The following MOB3B variants were observed in gnomAD, a reference collection of about 807,000 sequenced individuals.
MOB3B encodes the protein MOB kinase activator-like 2B.
Under a neutral mutation model 18.7 loss-of-function variants are expected in MOB3B, and 7 were observed. That is an observed-to-expected ratio of 0.37 (90% CI 0.21 to 0.70). The LOEUF is 0.70. MOB3B is among the 30% of genes least tolerant of loss of function. The pLI, the probability that MOB3B is intolerant of heterozygous loss-of-function variation, is 0.52. For synonymous variants in MOB3B, 111 were observed against 99.9 expected (o/e 1.11, Z -0.66); for missense variants, 253 against 281.3 (o/e 0.90, Z 0.72).
At chr9:27,487,964 A>G (rs576537792) in intron 1 of MOB3B, among the ~76,000 whole-genome samples, 17 of 152,168 alleles carry the variant, frequency 1.1e-4, no homozygotes, top group Non-Finnish European at 2.4e-4. Flanking sequence ...GAAATAACCT[A>G]TTGGGACAAT....
At chr9:27,343,545 C>G (rs1820986723) in intron 3 of MOB3B, among the ~76,000 whole-genome samples, 1 of 150,328 alleles carries the variant, frequency 6.7e-6, no homozygotes, top group African/African-American at 2.5e-5. Flanking sequence ...GAGACAAGTC[C>G]TTTTCTTTCC....
chr9:27,381,526 G>A (rs1369433782), intron 2 of MOB3B, among the ~76,000 whole-genome samples: 1 of 152,218 alleles, frequency 6.6e-6, no homozygotes, highest in East Asian at 1.9e-4. Context: ...CAAGCCAGAT[G>A]TGGATAGCAG....
At chr9:27,404,048 T>G (rs1166350099) in intron 2 of MOB3B, among the ~76,000 whole-genome samples, 1 of 152,210 alleles carries the variant, frequency 6.6e-6, no homozygotes, top group Non-Finnish European at 1.5e-5. Flanking sequence ...TAACTGTATT[T>G]TTGTACCCAT....
chr9:27,461,243 G>T (rs1219715277), intron 1 of MOB3B, among the ~76,000 whole-genome samples: 2 of 152,138 alleles, frequency 1.3e-5, no homozygotes, highest in African/African-American at 4.8e-5. Flanking sequence ...GTGTATGTAT[G>T]TGTGTATCAT....
rs1555453 is a variant in MOB3B, at chr9:27,326,782, G to T, written c.*3805C>A. 343,712 of 393,398 alleles carry T rather than the reference G, an allele frequency of 0.87. 150,447 individuals carry two copies. The highest frequency in any genetic ancestry group is 0.91 in the African/African-American group (44,232 of 48,606). The allele number at this position is 393,398 out of a possible 1,614,324, so 24.4% of individuals were successfully genotyped here. A position where few individuals can be genotyped will look rare whatever the true frequency, so the allele number is the denominator to read the frequency against. ...ATCAGTATTTCTCAATTACAGCCGTGTAAGACATTTTCTTCCTAATCATCT... is the reference window on the plus strand; with the variant it reads ...ATCAGTATTTCTCAATTACAGCCGTTTAAGACATTTTCTTCCTAATCATCT... On this transcript the variant is annotated 3_prime_UTR_variant, in exon 4 of 4. Coordinates refer to ENST00000262244, the MANE Select transcript of MOB3B (RefSeq NM_024761.5).
At chr9:27,358,809 A>G in intron 3 of MOB3B, 1 of 731,588 alleles carries the variant, frequency 1.4e-6, no homozygotes, top group South Asian at 1.4e-5. Flanking sequence ...TATTCCCACA[A>G]CATTCTGCCA....
chr9:27,425,432 C>G (rs79283235), intron 2 of MOB3B, among the ~76,000 whole-genome samples: 1 of 151,588 alleles, frequency 6.6e-6, no homozygotes, highest in Non-Finnish European at 1.5e-5. Flanking sequence ...GGGGGCAGAT[C>G]TGTTTCTAAA....
intron 2 of MOB3B, among the ~76,000 whole-genome samples, chr9:27,429,310 C>CA (rs1332473751): frequency 6.6e-6 from 1 of 152,124 alleles, no homozygotes; most frequent in Non-Finnish European, 1.5e-5. Flanking sequence ...TGCATAGCCC[C>CA]ACATGGAAAA....
chr9:27,440,435 T>A (rs1822575791), intron 2 of MOB3B, among the ~76,000 whole-genome samples: 1 of 152,054 alleles, frequency 6.6e-6, no homozygotes, highest in African/African-American at 2.4e-5. Context: ...TCTTGGCTGA[T>A]GTTTGGTACT....
In MOB3B at chr9:27,437,546, C is replaced by T. The variant is rs548706415; in HGVS notation, c.418+17587G>A. ...TATTACTGGTCATTGATGAATATGA[C>T]GAATATAATCTAGCTGATGGACATT... On this transcript the variant is annotated intron_variant, in intron 2 of 3. Transcript: ENST00000262244. Among the ~76,000 whole-genome samples the T allele has an allele frequency of 5.3e-5, 8 of 152,072 alleles. No homozygotes were observed. The East Asian group carries it at 7.7e-4, about 15-fold the overall frequency.
At chr9:27,476,376 C>T (rs188932697) in intron 1 of MOB3B, among the ~76,000 whole-genome samples, 74 of 152,240 alleles carry the variant, frequency 4.9e-4, no homozygotes, top group African/African-American at 1.7e-3. Context: ...TTTTTGGTAT[C>T]TTCAGTGTTC....
At chr9:27,527,943 C>T (rs1338833613) in intron 1 of MOB3B, among the ~76,000 whole-genome samples, 1 of 152,200 alleles carries the variant, frequency 6.6e-6, no homozygotes, top group African/African-American at 2.4e-5. Flanking sequence ...ACCCAACAAG[C>T]GCACCCACAG....
intron 2 of MOB3B, among the ~76,000 whole-genome samples, chr9:27,403,164 A>C (rs1383661300): frequency 6.6e-6 from 1 of 152,248 alleles, no homozygotes; most frequent in Non-Finnish European, 1.5e-5. Context: ...AAGAAGACAG[A>C]AAAAAGAACT....
chr9:27,353,670 C>G (rs1821141730), intron 3 of MOB3B, among the ~76,000 whole-genome samples: 2 of 152,156 alleles, frequency 1.3e-5, no homozygotes, highest in African/African-American at 4.8e-5. Context: ...CCCCTCCTGT[C>G]TGTCCTCCCC....
intron 1 of MOB3B, among the ~76,000 whole-genome samples, chr9:27,480,913 T>C (rs1239624098): frequency 6.6e-6 from 1 of 152,000 alleles, no homozygotes; most frequent in African/African-American, 2.4e-5. Context: ...ACTGACTCTA[T>C]AAAAGAATAA....
intron 1 of MOB3B, among the ~76,000 whole-genome samples, chr9:27,480,661 G>A (rs376836225): frequency 5.3e-5 from 8 of 152,122 alleles, no homozygotes; most frequent in South Asian, 2.1e-4. Context: ...GGATGGTCTT[G>A]ATCTCTTGAT....
At chr9:27,482,569 G>A (rs1158208747) in intron 1 of MOB3B, among the ~76,000 whole-genome samples, 2 of 152,316 alleles carry the variant, frequency 1.3e-5, no homozygotes, top group African/African-American at 4.8e-5. Context: ...GGTCTCAAAT[G>A]TTCAGTGTGG....
intron 2 of MOB3B, among the ~76,000 whole-genome samples, chr9:27,384,954 A>G (rs1821629978): frequency 6.6e-6 from 1 of 152,132 alleles, no homozygotes; most frequent in African/African-American, 2.4e-5. Context: ...CTCTCACAAT[A>G]CGTAGGTTGG....
At chr9:27,450,651 A>G (rs550965895) in intron 2 of MOB3B, among the ~76,000 whole-genome samples, 10 of 152,300 alleles carry the variant, frequency 6.6e-5, no homozygotes, top group South Asian at 4.1e-4. Flanking sequence ...TGTGAAGGGG[A>G]ATCTGTGAAA....
Sources: gnomAD v4.1 joint callset for allele counts (sites outside exome capture counted in the v4.1 genomes callset) on GRCh38, gnomAD v4.1.1 for gene constraint, MANE v1.5 for transcripts, NCBI Gene and HGNC (gene_info 2026-07-23, HGNC 2026-07-21) for gene names.